EPB41L3: variants seen among roughly 807,000 people sequenced by gnomAD.
EPB41L3 encodes erythrocyte membrane protein band 4.1 like 3, also known as band 4.1-like protein 3.
EPB41L3 carries 57 observed loss-of-function variants against 127.1 expected under a neutral mutation model. That is an observed-to-expected ratio of 0.45 (90% CI 0.36 to 0.56). The LOEUF (loss-of-function observed/expected upper bound fraction) is 0.56, where lower values mean the gene tolerates loss of function less well. Ranked by LOEUF, EPB41L3 falls within the 20% of genes least tolerant of loss-of-function variation. EPB41L3 has a pLI of 0.00. For synonymous variants in EPB41L3, 572 were observed against 549.5 expected, an observed-to-expected ratio of 1.04 and a Z score of -0.57; for missense variants, 1,273 against 1,372.2, an observed-to-expected ratio of 0.93 and a Z score of 1.14.
intron 8 of EPB41L3, among the ~76,000 whole-genome samples, chr18:5,432,905 C>T (rs1270444686): frequency 6.6e-6 from 1 of 152,214 alleles, no homozygotes; most frequent in African/African-American, 2.4e-5. Context: ...AGGTAGACTT[C>T]TTAAATTCAA....
chr18:5,456,349 C>T (rs960512197), intron 3 of EPB41L3, among the ~76,000 whole-genome samples: 1 of 152,100 alleles, frequency 6.6e-6, no homozygotes, highest in Non-Finnish European at 1.5e-5. Flanking sequence ...GAAAGAATAT[C>T]AAGGTATTAC....
intron 1 of EPB41L3, among the ~76,000 whole-genome samples, chr18:5,621,786 T>C (rs934387151): frequency 6.6e-6 from 1 of 152,186 alleles, no homozygotes; most frequent in Non-Finnish European, 1.5e-5. Context: ...TTTGAAAACA[T>C]GAAAGTGTAA....
chr18:5,413,194 G>T (rs2076408365), intron 13 of EPB41L3, among the ~76,000 whole-genome samples: 1 of 151,690 alleles, frequency 6.6e-6, no homozygotes, highest in African/African-American at 2.4e-5. Flanking sequence ...CTCTTTATTT[G>T]AACTTATCTC....
intron 3 of EPB41L3, among the ~76,000 whole-genome samples, chr18:5,462,056 C>T (rs1372090284): frequency 6.6e-6 from 1 of 152,130 alleles, no homozygotes; most frequent in Admixed American, 6.6e-5. Flanking sequence ...CTGGAGGCTA[C>T]ACTTAAAGGG....
intron 3 of EPB41L3, among the ~76,000 whole-genome samples, chr18:5,559,342 G>C (rs1941002): frequency 0.11 from 17,055 of 152,158 alleles, 992 homozygotes; most frequent in Middle Eastern, 0.14. Context: ...AAGGCAAAAA[G>C]ACAAAGGGAG....
At chr18:5,433,041 G>A (rs1236518084) in intron 8 of EPB41L3, among the ~76,000 whole-genome samples, 7 of 152,208 alleles carry the variant, frequency 4.6e-5, no homozygotes, top group African/African-American at 1.7e-4. Flanking sequence ...GGAAAGAGGA[G>A]GATAGTCCAG....
At chr18:5,547,602 CT>C (rs1678292950), upstream of EPB41L3, among the ~76,000 whole-genome samples, 2 of 152,128 alleles carry the variant, frequency 1.3e-5, no homozygotes, top group African/African-American at 4.8e-5. Flanking sequence ...ATTTATATCA[CT>C]GAAGGTCACC....
chr18:5,501,261 G>T (rs919667246), intron 1 of EPB41L3, among the ~76,000 whole-genome samples: 3 of 143,578 alleles, frequency 2.1e-5, no homozygotes, highest in African/African-American at 7.6e-5. Flanking sequence ...AGCAGACTGG[G>T]GGTCATTAAG....
chr18:5,426,367 C>T (rs912978331), intron 9 of EPB41L3, among the ~76,000 whole-genome samples: 2 of 152,094 alleles, frequency 1.3e-5, no homozygotes, highest in Non-Finnish European at 1.5e-5. Context: ...TTTGATTATC[C>T]TGGACTTTTC....
chr18:5,400,599 G>A, intron 16 of EPB41L3: 1 of 461,768 alleles, frequency 2.2e-6, no homozygotes, highest in South Asian at 1.6e-5. Context: ...CACTTGGCTA[G>A]TGGGGAAACC....
intron 1 of EPB41L3, among the ~76,000 whole-genome samples, chr18:5,490,002 CAAGAT>C (rs957826820): frequency 1.3e-5 from 2 of 152,204 alleles, no homozygotes; most frequent in African/African-American, 4.8e-5. Context: ...GATTGCAAGT[CAAGAT>C]GTTTCAGGAT....
At chr18:5,532,594 A>C (rs1200026124) in intron 1 of EPB41L3, among the ~76,000 whole-genome samples, 9 of 152,216 alleles carry the variant, frequency 5.9e-5, no homozygotes, top group Admixed American at 5.9e-4. Flanking sequence ...AGCTGGGAAG[A>C]AACACTGGCA....
At chr18:5,507,521 T>G (rs1379468458) in intron 1 of EPB41L3, among the ~76,000 whole-genome samples, 3 of 152,202 alleles carry the variant, frequency 2.0e-5, no homozygotes, top group African/African-American at 7.2e-5. Flanking sequence ...CCCTACCAAC[T>G]GTGTGAATTT....
rs2082916642 is a variant in EPB41L3, at chr18:5,455,592, T to C, written c.382-10348A>G. On this transcript the variant is annotated intron_variant, in intron 3 of 22. Coordinates refer to ENST00000341928, the MANE Select transcript of EPB41L3 (RefSeq NM_012307.5). ...ATGACAAAAGTACCTCCCTACATATTAAGCCCATCTACCTTTCTTTAAAGG... is the reference window on the plus strand; with the variant it reads ...ATGACAAAAGTACCTCCCTACATATCAAGCCCATCTACCTTTCTTTAAAGG... Among the ~76,000 whole-genome samples the C allele has an allele frequency of 3.3e-5, 5 of 151,832 alleles. No individual in the cohort carries two copies. The South Asian group carries it at 6.2e-4, about 19-fold the overall frequency.
chr18:5,424,236 G>GA (rs2077860087), intron 10 of EPB41L3, 26 bp downstream of exon 10: 2 of 1,495,970 alleles, frequency 1.3e-6, no homozygotes, highest in Admixed American at 2.2e-5. Flanking sequence ...ATTCCTTAGG[G>GA]AAAAAACAAA....
intron 10 of EPB41L3, 68 bp from the exon 11 acceptor site, chr18:5,423,621 T>C: frequency 1.4e-6 from 2 of 1,427,994 alleles, no homozygotes; most frequent in Non-Finnish European, 1.9e-6. Context: ...TTTTAAACTT[T>C]TTACTCTGAG....
chr18:5,614,215 GA>G (rs2094764786), intron 2 of EPB41L3: 1 of 152,184 alleles, frequency 6.6e-6, no homozygotes, highest in Non-Finnish European at 1.5e-5. Flanking sequence ...TAGTTGTACA[GA>G]ATTATTAATT....
At chr18:5,427,759 T>C (rs958274027) in intron 9 of EPB41L3, among the ~76,000 whole-genome samples, 1 of 152,166 alleles carries the variant, frequency 6.6e-6, no homozygotes, top group African/African-American at 2.4e-5. Context: ...AATTTTTTTT[T>C]TTTTGAGACG....
At chr18:5,542,956 A>AC (rs2093777180) in intron 1 of EPB41L3, among the ~76,000 whole-genome samples, 2 of 151,784 alleles carry the variant, frequency 1.3e-5, no homozygotes, top group African/African-American at 4.8e-5. Flanking sequence ...ACTGGCTGCG[A>AC]CCCCAACTCC....
Sources: allele counts gnomAD v4.1 joint callset (sites outside exome capture counted in the v4.1 genomes callset), GRCh38; gene constraint gnomAD v4.1.1; transcripts MANE v1.5; gene names NCBI Gene and HGNC (gene_info 2026-07-23, HGNC 2026-07-21).